The following TSNARE1 variants were observed in gnomAD, a reference collection of about 807,000 sequenced individuals.
TSNARE1 encodes the protein t-SNARE domain-containing protein 1.
Under a neutral mutation model 62.0 loss-of-function variants are expected in TSNARE1, and 49 were observed. That is an observed-to-expected ratio of 0.79 (90% CI 0.63 to 1.00). The LOEUF is 1.00. Ranked by LOEUF, TSNARE1 falls within the 50% of genes least tolerant of loss-of-function variation. The pLI is 0.00. For missense variants in TSNARE1, 755 were observed against 700.1 expected, an observed-to-expected ratio of 1.08 and a Z score of -0.88; for synonymous variants, 328 against 294.4, an observed-to-expected ratio of 1.11 and a Z score of -1.17.
At chr8:142,342,710 G>A (rs1432637403) in intron 4 of TSNARE1, among the ~76,000 whole-genome samples, 1 of 151,206 alleles carries the variant, frequency 6.6e-6, no homozygotes, top group Non-Finnish European at 1.5e-5. Context: ...CACAGCAAGA[G>A]CTCAGACGCC....
At chr8:142,337,337 C>A (rs527943169) in intron 4 of TSNARE1, among the ~76,000 whole-genome samples, 2 of 152,268 alleles carry the variant, frequency 1.3e-5, no homozygotes, top group African/African-American at 4.8e-5. Flanking sequence ...GGTAATAATC[C>A]CCCCACAACA....
chr8:142,331,314 C>T (rs1294580575), intron 5 of TSNARE1, among the ~76,000 whole-genome samples: 1 of 152,246 alleles, frequency 6.6e-6, no homozygotes, highest in Non-Finnish European at 1.5e-5. Flanking sequence ...CTCCCCTGGC[C>T]GTGGCTCTCA....
intron 4 of TSNARE1, among the ~76,000 whole-genome samples, chr8:142,340,415 C>A (rs1832419958): frequency 6.6e-6 from 1 of 152,170 alleles, no homozygotes; most frequent in South Asian, 2.1e-4. Context: ...AGACCGCAGA[C>A]TAGAGCTGCC....
At chr8:142,313,381 T>G (rs1231462841) in intron 9 of TSNARE1, among the ~76,000 whole-genome samples, 2 of 150,966 alleles carry the variant, frequency 1.3e-5, no homozygotes, top group Non-Finnish European at 2.9e-5. Flanking sequence ...TGTGTCTGCA[T>G]GTCTATGTGT....
intron 12 of TSNARE1, among the ~76,000 whole-genome samples, chr8:142,264,571 T>C (rs1451098850): frequency 6.6e-6 from 1 of 152,250 alleles, no homozygotes; most frequent in African/African-American, 2.4e-5. Context: ...CTACCCACTT[T>C]TGCTTTATGT....
At chr8:142,313,472 T>G (rs144737963) in intron 9 of TSNARE1, among the ~76,000 whole-genome samples, 244 of 152,266 alleles carry the variant, frequency 1.6e-3, no homozygotes, top group African/African-American at 5.7e-3. Context: ...TCTGCATGTC[T>G]GTGTTTATCT....
At chr8:142,359,116 G>C (rs745431333) in intron 1 of TSNARE1, among the ~76,000 whole-genome samples, 17 of 151,900 alleles carry the variant, frequency 1.1e-4, no homozygotes, top group Admixed American at 2.0e-4. Flanking sequence ...CTTCCCCCAT[G>C]CTGCCCCTGC....
At chr8:142,317,631 G>A (rs1047325553) in intron 7 of TSNARE1, among the ~76,000 whole-genome samples, 4 of 152,222 alleles carry the variant, frequency 2.6e-5, no homozygotes, top group African/African-American at 9.6e-5. Flanking sequence ...CACTGACCTG[G>A]TGTGGTGGAG....
chr8:142,280,270 G>A (rs964685739), intron 11 of TSNARE1: 10 of 985,230 alleles, frequency 1.0e-5, no homozygotes, highest in Middle Eastern at 5.2e-4. Flanking sequence ...CAGGGCTGCC[G>A]CGGCCGGCTC....
intron 10 of TSNARE1, among the ~76,000 whole-genome samples, chr8:142,288,242 G>A (rs907884585): frequency 2.0e-5 from 3 of 152,220 alleles, no homozygotes; most frequent in African/African-American, 4.8e-5. Flanking sequence ...GGGCAGCTGC[G>A]AGTCCCTGAG....
At chr8:142,236,461 T>C (rs1817429815) in intron 12 of TSNARE1, among the ~76,000 whole-genome samples, 1 of 152,032 alleles carries the variant, frequency 6.6e-6, no homozygotes, top group Non-Finnish European at 1.5e-5. Context: ...ACCCTCCCTA[T>C]GCTAAGCAAC....
rs78752980 is a variant in TSNARE1 at position 142,227,352 on chromosome 8, C to A, written c.*11+2121G>T. Among the ~76,000 whole-genome samples the A allele has an allele frequency of 1.7e-3, 201 of 115,586 alleles. 1 individual carries two copies. The highest frequency in any genetic ancestry group is 7.7e-3 in the African/African-American group (131 of 16,990). 75.8% of individuals were successfully genotyped at this position (115,586 alleles called of 152,430 possible). On this transcript the variant is annotated intron_variant, in intron 13 of 13. Coordinates refer to ENST00000524325, the MANE Select transcript of TSNARE1 (RefSeq NM_145003.5). The stretch of plus-strand genomic sequence containing the variant: ...TGATAGCCAGGACCCCCATCCTGCC[C>A]ATAGCCCCAGTGACAGCCAGGACCC...
chr8:142,314,131 G>A (rs1435644452), intron 9 of TSNARE1, among the ~76,000 whole-genome samples: 1 of 152,226 alleles, frequency 6.6e-6, no homozygotes, highest in African/African-American at 2.4e-5. Flanking sequence ...CAGCAGGAGA[G>A]CTGGTCTGAC....
chr8:142,238,757 A>ACCCCTGCATGCCCG (rs1817556261), intron 12 of TSNARE1, among the ~76,000 whole-genome samples: 1 of 82,862 alleles, frequency 1.2e-5, no homozygotes, highest in East Asian at 3.5e-4. Context: ...CTGCACGCCC[A>ACCCCTGCATGCCCG]CCCCTGCACG....
At chr8:142,302,024 G>A (rs35135076) in intron 9 of TSNARE1, among the ~76,000 whole-genome samples, 252 of 152,288 alleles carry the variant, frequency 1.7e-3, no homozygotes, top group African/African-American at 5.9e-3. Context: ...ATGCCACGCC[G>A]GCCACTGCTA....
intron 10 of TSNARE1, among the ~76,000 whole-genome samples, chr8:142,289,732 GTCTCTTCCTCCA>G (rs1209477862): frequency 6.6e-6 from 1 of 152,256 alleles, no homozygotes; most frequent in Non-Finnish European, 1.5e-5. Flanking sequence ...CTGCCTTTGT[GTCTCTTCCTCCA>G]TCATGGGAGG....
chr8:142,343,907 C>G (rs554565440), intron 4 of TSNARE1, 59 bp downstream of exon 4: 142 of 1,428,972 alleles, frequency 9.9e-5, no homozygotes, highest in Non-Finnish European at 1.3e-4. Flanking sequence ...CAAGATGGGC[C>G]CCCCCCTCCT....
At position 142,345,673 on chromosome 8, in the gene TSNARE1, C is replaced by T. The variant is rs112610416; in HGVS notation, c.238+70G>A. 7.0e-4 allele frequency: 1,025 copies of T among 1,455,484 alleles called. 11 individuals carry two copies. Among genetic ancestry groups the T allele is most frequent in the Middle Eastern group, 1.6e-3 (9 of 5,540 alleles). 90.2% of individuals were successfully genotyped at this position (1,455,484 alleles called of 1,614,324 possible). A position where few individuals can be genotyped will look rare whatever the true frequency, so the allele number is the denominator to read the frequency against. On this transcript the variant is annotated intron_variant, in intron 3 of 13. Transcript: ENST00000524325. ...CTGCAGCTCCCACCTGCTGACCCTGCCCTCCTCAGCACCTGCATCTCCAAG... is the reference window on the plus strand; with the variant it reads ...CTGCAGCTCCCACCTGCTGACCCTGTCCTCCTCAGCACCTGCATCTCCAAG...
At chr8:142,235,586 C>T (rs1042733563) in intron 12 of TSNARE1, among the ~76,000 whole-genome samples, 4 of 152,152 alleles carry the variant, frequency 2.6e-5, no homozygotes, top group Admixed American at 2.6e-4. Flanking sequence ...GGGTGTGGAA[C>T]GGATTGTTTC....
Sources: gnomAD v4.1 joint callset for allele counts (sites outside exome capture counted in the v4.1 genomes callset) on GRCh38, gnomAD v4.1.1 for gene constraint, MANE v1.5 for transcripts, NCBI Gene and HGNC (gene_info 2026-07-23, HGNC 2026-07-21) for gene names.